PCDH7: variants seen among roughly 807,000 people sequenced by gnomAD.
The protein encoded by PCDH7 is protocadherin-7.
In PCDH7, 17 loss-of-function variants were observed where a neutral mutation model predicts 58.9. That is an observed-to-expected ratio of 0.29 (90% CI 0.20 to 0.43). PCDH7 has a LOEUF of 0.43. PCDH7 is among the 20% of genes least tolerant of loss of function. PCDH7 has a pLI of 1.00. For missense variants in PCDH7, 1,274 were observed against 1,441.0 expected (o/e 0.88, Z 1.88); for synonymous variants, 664 against 616.4 (o/e 1.08, Z -1.14).
intron 2 of PCDH7, among the ~76,000 whole-genome samples, chr4:30,928,494 G>T (rs1332949688): frequency 6.6e-6 from 1 of 152,126 alleles, no homozygotes; most frequent in African/African-American, 2.4e-5. Context: ...GGCTTTCTGA[G>T]GAAATTTAAG....
intron 2 of PCDH7, among the ~76,000 whole-genome samples, chr4:30,932,525 T>A (rs1004658051): frequency 6.6e-6 from 1 of 152,184 alleles, no homozygotes; most frequent in African/African-American, 2.4e-5. Context: ...TCTAAACAAT[T>A]GCTACAAAAT....
intron 3 of PCDH7, among the ~76,000 whole-genome samples, chr4:30,963,235 A>G (rs986410731): frequency 2.0e-5 from 3 of 152,206 alleles, no homozygotes; most frequent in Non-Finnish European, 4.4e-5. Flanking sequence ...AACATGCTGT[A>G]TGTTGACTAA....
intron 1 of PCDH7, among the ~76,000 whole-genome samples, chr4:30,872,673 C>A (rs531066362): frequency 1.3e-5 from 2 of 151,986 alleles, no homozygotes; most frequent in African/African-American, 4.8e-5. Flanking sequence ...TATAAATCAT[C>A]CACACAACGC....
chr4:30,883,629 G>A (rs1017890538), intron 1 of PCDH7, among the ~76,000 whole-genome samples: 5 of 152,070 alleles, frequency 3.3e-5, no homozygotes, highest in Admixed American at 6.6e-5. Flanking sequence ...TTTACTTCAC[G>A]TGATGTACAC....
Position 30,830,781 on chromosome 4 carries a change from C to T in PCDH7, c.71-89372C>T, listed in dbSNP as rs374123710. Among the ~76,000 whole-genome samples the T allele has an allele frequency of 4.3e-4, 65 of 152,144 alleles. No homozygotes were observed. In the East Asian group the frequency reaches 8.5e-3, roughly 20 times the overall value. ...ATGCCCACAGATTTCTTGCATGTTTCCAGTTGTATTTGATCTCATTATTCC... is the reference window on the plus strand; with the variant it reads ...ATGCCCACAGATTTCTTGCATGTTTTCAGTTGTATTTGATCTCATTATTCC... On this transcript the variant is annotated intron_variant, in intron 1 of 3. Transcript: ENST00000509759.
chr4:30,754,764 CTT>C (rs55976051), intron 1 of PCDH7, among the ~76,000 whole-genome samples: 3 of 152,020 alleles, frequency 2.0e-5, no homozygotes, highest in Middle Eastern at 3.4e-3. Flanking sequence ...CTTATATGTA[CTT>C]TTTTTTTGAC....
intron 3 of PCDH7, among the ~76,000 whole-genome samples, chr4:30,975,093 C>G (rs1009722889): frequency 9.3e-5 from 14 of 150,634 alleles, no homozygotes; most frequent in Admixed American, 1.3e-4. Context: ...AGGAGAGAGA[C>G]AAAGCAATAT....
At chr4:31,028,050 T>A (rs145014692) in intron 3 of PCDH7, among the ~76,000 whole-genome samples, 2 of 152,288 alleles carry the variant, frequency 1.3e-5, no homozygotes, top group African/African-American at 2.4e-5. Flanking sequence ...TTTATAACTT[T>A]TATTTTTAAT....
At position 30,830,544 on chromosome 4, in the gene PCDH7, C is replaced by T. The variant is rs371294279; in HGVS notation, c.71-89609C>T. Among the ~76,000 whole-genome samples the T allele has an allele frequency of 4.6e-4, 70 of 151,810 alleles. 1 individual carries two copies. The highest frequency in any genetic ancestry group is 8.7e-4 in the Non-Finnish European group (59 of 67,880). ...CTTCACGCTCCTTTTGCTTTCCTTC[C>T]GTGTCTGGCTCTCATTTCCTCAGTT... On this transcript the variant is annotated intron_variant, in intron 1 of 3. Coordinates refer to the PCDH7 transcript ENST00000509759.
intron 3 of PCDH7, among the ~76,000 whole-genome samples, chr4:30,973,835 T>C (rs537259220): frequency 4.6e-5 from 7 of 152,014 alleles, no homozygotes; most frequent in Admixed American, 1.3e-4. Flanking sequence ...ATGGATTGAG[T>C]TACTTTCTTT....
downstream of PCDH7, among the ~76,000 whole-genome samples, chr4:30,733,803 C>A (rs752604732): frequency 2.0e-5 from 3 of 152,018 alleles, no homozygotes; most frequent in Non-Finnish European, 4.4e-5. Flanking sequence ...AGTCATAATT[C>A]AAGAGTACTG....
At position 30,723,277 on chromosome 4, in the gene PCDH7, C is replaced by A; in HGVS notation, c.1855C>A (p.Leu619Met). The change falls in exon 1 of 2, where the codon CTG becomes ATG. Residue 619 changes from leucine (L) to methionine (M), a missense_variant. This residue lies in a region of PCDH7 where 731 missense variants were observed against 881.9 expected (regional missense o/e 0.83). Coordinates refer to ENST00000361762, the Ensembl canonical transcript of PCDH7. The surrounding 1 kb of genome is among the most constrained non-coding windows in gnomAD (Gnocchi z 4.6). Reference sequence around the variant, plus strand: ...CGCCAAAGACAAAGGCATCCCCGTGCTGCAGGGCAGCACTACGGTGATTGT... The same window carrying A: ...CGCCAAAGACAAAGGCATCCCCGTGATGCAGGGCAGCACTACGGTGATTGT... 6.2e-7 allele frequency: 1 copy of A among 1,614,200 alleles called. No homozygotes were observed. The highest frequency in any genetic ancestry group is 2.2e-5 in the East Asian group (1 of 44,868).
intron 1 of PCDH7, among the ~76,000 whole-genome samples, chr4:30,760,684 G>A (rs1719910175): frequency 6.6e-6 from 1 of 152,078 alleles, no homozygotes; most frequent in African/African-American, 2.4e-5. Flanking sequence ...CACTGCTCAA[G>A]GAAACCAAAT....
intron 3 of PCDH7, among the ~76,000 whole-genome samples, chr4:31,022,321 T>G (rs1488648109): frequency 6.6e-6 from 1 of 152,204 alleles, no homozygotes; most frequent in Non-Finnish European, 1.5e-5. Flanking sequence ...ATGATGATTA[T>G]TTCTAACGGT....
intron 1 of PCDH7, among the ~76,000 whole-genome samples, chr4:30,819,316 T>C (rs1377729315): frequency 6.6e-6 from 1 of 152,158 alleles, no homozygotes; most frequent in African/African-American, 2.4e-5. Flanking sequence ...ATTTCACTGG[T>C]TGGGTAGAGC....
chr4:30,947,205 C>T (rs995033472), intron 2 of PCDH7, among the ~76,000 whole-genome samples: 3 of 152,036 alleles, frequency 2.0e-5, no homozygotes, highest in East Asian at 3.9e-4. Flanking sequence ...TAGAAGAAGC[C>T]GACTCTAGAG....
intron 1 of PCDH7, among the ~76,000 whole-genome samples, chr4:30,887,971 G>A (rs1416034900): frequency 6.6e-6 from 1 of 151,748 alleles, no homozygotes; most frequent in African/African-American, 2.4e-5. Context: ...TGCCTCCCGG[G>A]TGCAAGCAAT....
chr4:30,796,627 C>T (rs1724808514), intron 1 of PCDH7, among the ~76,000 whole-genome samples: 1 of 152,228 alleles, frequency 6.6e-6, no homozygotes, highest in Non-Finnish European at 1.5e-5. Context: ...CTTGCAAGGA[C>T]AGAACAATTT....
At chr4:30,929,984 T>C (rs1485526231) in intron 2 of PCDH7, among the ~76,000 whole-genome samples, 1 of 152,228 alleles carries the variant, frequency 6.6e-6, no homozygotes, top group African/African-American at 2.4e-5. Context: ...TGACCATTTG[T>C]TGAGTATTTA....
Sources: gnomAD v4.1 joint callset for allele counts (sites outside exome capture counted in the v4.1 genomes callset) on GRCh38, gnomAD v4.1.1 for gene constraint, gnomAD v4.1.1 regional missense constraint, Gnocchi (gnomAD v3.1) non-coding constraint, MANE v1.5 for transcripts, NCBI Gene and HGNC (gene_info 2026-07-23, HGNC 2026-07-21) for gene names.